ATP2B1: variants seen among roughly 807,000 people sequenced by gnomAD.
ATP2B1 encodes plasma membrane calcium-transporting ATPase 1.
A neutral mutation model predicts 124.2 loss-of-function variants in ATP2B1; 14 were observed. That is an observed-to-expected ratio of 0.11 (90% CI 0.07 to 0.18). The LOEUF is 0.18. ATP2B1 is among the 10% of genes least tolerant of loss of function. ATP2B1 has a pLI of 1.00. For missense variants in ATP2B1, 763 were observed against 1,466.1 expected, an observed-to-expected ratio of 0.52 and a Z score of 7.83; for synonymous variants, 449 against 492.4, an observed-to-expected ratio of 0.91 and a Z score of 1.17.
intron 11 of ATP2B1, among the ~76,000 whole-genome samples, chr12:89,617,470 T>G (rs1278952347): frequency 6.6e-6 from 1 of 152,194 alleles, no homozygotes; most frequent in Non-Finnish European, 1.5e-5. Flanking sequence ...CCTGAGATGT[T>G]GTTTCATCAC....
chr12:89,624,482 G>T, intron 8 of ATP2B1, 85 bp from the exon 9 acceptor site: 1 of 1,103,340 alleles, frequency 9.1e-7, no homozygotes, highest in Non-Finnish European at 1.3e-6. Flanking sequence ...ACACTGTAAA[G>T]AGTTATAACT....
chr12:89,620,751 T>G (rs952462940), intron 10 of ATP2B1, among the ~76,000 whole-genome samples: 1 of 152,160 alleles, frequency 6.6e-6, no homozygotes, highest in African/African-American at 2.4e-5. Context: ...AATACCACTT[T>G]ACATAATTAT....
intron 1 of ATP2B1, among the ~76,000 whole-genome samples, chr12:89,675,297 T>C (rs1351043943): frequency 6.6e-6 from 1 of 152,204 alleles, no homozygotes; most frequent in Non-Finnish European, 1.5e-5. Context: ...AAGCTTATAC[T>C]TTTCATACAT....
At chr12:89,705,674 A>G (rs901539460) in intron 1 of ATP2B1, among the ~76,000 whole-genome samples, 2 of 152,188 alleles carry the variant, frequency 1.3e-5, no homozygotes, top group Non-Finnish European at 2.9e-5. Flanking sequence ...GAAAGTATAT[A>G]TAACAACATA....
intron 1 of ATP2B1, among the ~76,000 whole-genome samples, chr12:89,707,868 C>A (rs1318139180): frequency 6.6e-6 from 1 of 152,254 alleles, no homozygotes; most frequent in African/African-American, 2.4e-5. Flanking sequence ...CCACCCCACA[C>A]CCCTGCCACT....
intron 9 of ATP2B1, among the ~76,000 whole-genome samples, chr12:89,622,050 C>T (rs904697158): frequency 1.3e-5 from 2 of 151,752 alleles, no homozygotes; most frequent in African/African-American, 4.8e-5. Context: ...TGAATCAATT[C>T]AGGTACCTAC....
intron 11 of ATP2B1, among the ~76,000 whole-genome samples, chr12:89,617,401 C>G (rs887536394): frequency 6.6e-6 from 1 of 152,078 alleles, no homozygotes; most frequent in African/African-American, 2.4e-5. Context: ...TGAAATAATA[C>G]CAAAATCACA....
chr12:89,654,837 T>C (rs998980563), intron 2 of ATP2B1, among the ~76,000 whole-genome samples: 1 of 152,196 alleles, frequency 6.6e-6, no homozygotes, highest in Admixed American at 6.5e-5. Flanking sequence ...AAATTTTACA[T>C]TAATAATTTC....
intron 15 of ATP2B1, among the ~76,000 whole-genome samples, chr12:89,608,539 G>A (rs1877402985): frequency 1.3e-5 from 2 of 151,556 alleles, no homozygotes; most frequent in Non-Finnish European, 2.9e-5. Context: ...TGGTATAACT[G>A]GGCCTAAAAC....
intron 1 of ATP2B1, among the ~76,000 whole-genome samples, chr12:89,689,107 G>C (rs1387845570): frequency 6.6e-6 from 1 of 152,032 alleles, no homozygotes; most frequent in Non-Finnish European, 1.5e-5. Flanking sequence ...TTTAGACGTT[G>C]TTTTCAATGC....
Position 89,600,061 on chromosome 12 carries a change from A to G in ATP2B1, c.3169-762T>C, listed in dbSNP as rs541026478. 1.5e-3 allele frequency among the ~76,000 whole-genome samples: 229 copies of G among 152,314 alleles called. 1 individual carries two copies. The highest frequency in any genetic ancestry group is 5.2e-3 in the African/African-American group (217 of 41,558). On this transcript the variant is annotated intron_variant, in intron 19 of 20. Transcript: ENST00000428670. ...GTGACTTGCTCATGGAGTGACTAGG[A>G]ACCTAGGTCTCCTGACCACCAAAGG...
chr12:89,630,659 CAT>C lies in ATP2B1; in HGVS notation c.788-16_788-15del, dbSNP rs757823881. ...TTACATGAGTACCTATAACCAAAAACATAGTTTGTTTTTAAAAATACTGATAG... is the reference window on the plus strand; with the variant it reads ...TTACATGAGTACCTATAACCAAAAACAGTTTGTTTTTAAAAATACTGATAG... On this transcript the variant is annotated splice_polypyrimidine_tract_variant and intron_variant, in intron 5 of 20. Coordinates refer to ENST00000428670, the MANE Select transcript of ATP2B1 (RefSeq NM_001366521.1). 1.9e-5 allele frequency: 28 copies of C among 1,442,044 alleles called. 1 individual carries two copies. In the South Asian group the frequency reaches 3.6e-4, roughly 18 times the overall value. 89.3% of individuals were successfully genotyped at this position (1,442,044 alleles called of 1,614,324 possible).
intron 2 of ATP2B1, among the ~76,000 whole-genome samples, chr12:89,648,313 T>G (rs1210131760): frequency 1.3e-5 from 2 of 152,180 alleles, no homozygotes; most frequent in African/African-American, 2.4e-5. Flanking sequence ...AAGTCCAAGC[T>G]GACAAGTTCT....
At chr12:89,658,598 G>GAGAGAGAGAGAGAGAGAGAGA (rs1886258752) in intron 1 of ATP2B1, among the ~76,000 whole-genome samples, 2 of 69,584 alleles carry the variant, frequency 2.9e-5, no homozygotes, top group African/African-American at 1.2e-4. Context: ...AATTCAAACA[G>GAGAGAGAGAGAGAGAGAGAGA]GAGAGAGAGA....
intron 20 of ATP2B1, among the ~76,000 whole-genome samples, chr12:89,596,589 G>C (rs1023269771): frequency 6.6e-6 from 1 of 152,068 alleles, no homozygotes; most frequent in Non-Finnish European, 1.5e-5. Context: ...GAAGTATTTA[G>C]GGATAAAACA....
At chr12:89,627,300 G>C (rs919483927) in intron 7 of ATP2B1, among the ~76,000 whole-genome samples, 1 of 150,372 alleles carries the variant, frequency 6.7e-6, no homozygotes, top group Non-Finnish European at 1.5e-5. Context: ...GCAATGTGTA[G>C]AAGGTGTATA....
intron 3 of ATP2B1, among the ~76,000 whole-genome samples, chr12:89,641,273 T>C (rs1883462136): frequency 6.6e-6 from 1 of 152,172 alleles, no homozygotes; most frequent in Non-Finnish European, 1.5e-5. Flanking sequence ...AAAAAACATT[T>C]GTAGCCACAA....
Position 89,655,955 on chromosome 12 carries a change from A to G in ATP2B1, c.-69T>C, listed in dbSNP as rs1386286636. Reference sequence around the variant, plus strand: ...TTAATTTTCACTTGATGTATTTCCAAGATGAAAATCTTTTAAGTATGAAAA... The same window carrying G: ...TTAATTTTCACTTGATGTATTTCCAGGATGAAAATCTTTTAAGTATGAAAA... On this transcript the variant is annotated 5_prime_UTR_variant, in exon 2 of 21. Transcript: ENST00000428670. The G allele has an allele frequency of 6.9e-7, 1 of 1,446,612 alleles. No individual in the cohort carries two copies. The highest frequency in any genetic ancestry group is 1.4e-5 in the African/African-American group (1 of 70,176). 89.6% of individuals were successfully genotyped at this position (1,446,612 alleles called of 1,614,324 possible).
Position 89,603,622 on chromosome 12 carries a change from T to C in ATP2B1, c.2848+90A>G. 7.5e-7 allele frequency: 1 copy of C among 1,334,788 alleles called. No individual in the cohort carries two copies. The highest frequency in any genetic ancestry group is 1.3e-5 in the South Asian group (1 of 76,478). The allele number at this position is 1,334,788 out of a possible 1,614,324, so 82.7% of individuals were successfully genotyped here. A position where few individuals can be genotyped will look rare whatever the true frequency, so the allele number is the denominator to read the frequency against. ...GGGAAGTCAGGAGTAGAATTTAGGC[T>C]CTTGAAAATTTGTAACATTATAACA... On this transcript the variant is annotated intron_variant, in intron 17 of 20. Coordinates refer to ENST00000428670, the MANE Select transcript of ATP2B1 (RefSeq NM_001366521.1). The surrounding 1 kb of genome is among the most constrained non-coding windows in gnomAD (Gnocchi z 4.3).
Sources: allele counts gnomAD v4.1 joint callset (sites outside exome capture counted in the v4.1 genomes callset), GRCh38; gene constraint gnomAD v4.1.1; non-coding constraint Gnocchi (gnomAD v3.1); transcripts MANE v1.5; gene names NCBI Gene and HGNC (gene_info 2026-07-23, HGNC 2026-07-21).